The following BNIP3L variants were observed in gnomAD, a reference collection of about 807,000 sequenced individuals.
BNIP3L encodes the protein BCL2 interacting protein 3 like, also known as BCL2/adenovirus E1B 19 kDa protein-interacting protein 3-like.
Under a neutral mutation model 25.5 loss-of-function variants are expected in BNIP3L, and 10 were observed. The observed-to-expected ratio is 0.39, with a 90% CI of 0.24 to 0.67. The LOEUF is 0.67. Ranked by LOEUF, BNIP3L falls within the 30% of genes least tolerant of loss-of-function variation. The pLI is 0.45. For synonymous variants in BNIP3L, 113 were observed against 101.2 expected (o/e 1.12, Z -0.70); for missense variants, 215 against 270.9 (o/e 0.79, Z 1.45).
At position 26,400,168 on chromosome 8, in the gene BNIP3L, C is replaced by T. The variant is rs1200700733; in HGVS notation, c.357+4866C>T. 3.3e-5 allele frequency among the ~76,000 whole-genome samples: 5 copies of T among 151,732 alleles called. No homozygotes were observed. The East Asian group carries it at 5.9e-4, about 18-fold the overall frequency. ...CACACTACCTGACTTCAAACTATAC[C>T]ACAAGGCTACAGTAACCAAAACAGC... On this transcript the variant is annotated intron_variant, in intron 3 of 5. Transcript: ENST00000380629.
At position 26,391,381 on chromosome 8, in the gene BNIP3L, A is replaced by T. The variant is rs1212884893; in HGVS notation, c.239A>T (p.His80Leu). 6 of 1,608,710 alleles carry T rather than the reference A, an allele frequency of 3.7e-6. No homozygotes were observed. The highest frequency in any genetic ancestry group is 5.1e-6 in the Non-Finnish European group (6 of 1,177,786). Residue 80 changes from histidine to leucine, a missense_variant, in exon 2 of 6, where the codon CAT becomes CTT. Transcript: ENST00000380629. ...GAGAAGATTCTTTTGGATGCACAAC[A>T]TGAATCAGGACAGAGTAGTTCCAGA... ...DMEKILLDAQHESGQSSSRGS... is the reference protein window; with the variant it reads ...DMEKILLDAQLESGQSSSRGS...
intron 1 of BNIP3L, among the ~76,000 whole-genome samples, chr8:26,389,808 C>T (rs1806065562): frequency 6.6e-6 from 1 of 152,148 alleles, no homozygotes. Flanking sequence ...TGGAGCTTTC[C>T]TTCTTGTGAG....
intron 3 of BNIP3L, among the ~76,000 whole-genome samples, chr8:26,404,700 G>T (rs1043933791): frequency 5.9e-5 from 9 of 152,124 alleles, no homozygotes; most frequent in Non-Finnish European, 1.2e-4. Context: ...TAGAGACAGG[G>T]TTTCGCCGTG....
At chr8:26,406,505 G>T (rs191384578) in intron 3 of BNIP3L, among the ~76,000 whole-genome samples, 1 of 152,054 alleles carries the variant, frequency 6.6e-6, no homozygotes, top group African/African-American at 2.4e-5. Flanking sequence ...TTTTTATAGG[G>T]TTATTTGTTG....
In BNIP3L at chr8:26,411,225, G is replaced by GT. The variant is rs1563344973; in HGVS notation, c.*816dup. The GT allele has an allele frequency of 1.3e-5, 2 of 152,412 alleles. No individual in the cohort carries two copies. The highest frequency in any genetic ancestry group is 1.3e-4 in the Admixed American group (2 of 15,260). 9.4% of individuals were successfully genotyped at this position (152,412 alleles called of 1,614,324 possible). A position where few individuals can be genotyped will look rare whatever the true frequency, so the allele number is the denominator to read the frequency against. On this transcript the variant is annotated 3_prime_UTR_variant, in exon 6 of 6. Transcript: ENST00000380629. Reference sequence around the variant, plus strand: ...TGCTTTTTGAGATTTTTGCGTGTGTGTTTGATATTTTTTACGATAATTAGC... The same window carrying GT: ...TGCTTTTTGAGATTTTTGCGTGTGTGTTTTGATATTTTTTACGATAATTAGC...
chr8:26,402,188 C>T (rs761170115), intron 3 of BNIP3L, among the ~76,000 whole-genome samples: 12 of 152,108 alleles, frequency 7.9e-5, no homozygotes, highest in Non-Finnish European at 1.6e-4. Flanking sequence ...TCTGAAATGT[C>T]GAAAATCTTT....
chr8:26,403,509 A>G (rs953912262), intron 3 of BNIP3L, among the ~76,000 whole-genome samples: 1 of 147,664 alleles, frequency 6.8e-6, no homozygotes, highest in Non-Finnish European at 1.5e-5. Context: ...CATTAACTAG[A>G]TATGTTCTAG....
chr8:26,403,850 G>A (rs1227578978), intron 3 of BNIP3L, among the ~76,000 whole-genome samples: 1 of 151,926 alleles, frequency 6.6e-6, no homozygotes, highest in African/African-American at 2.4e-5. Flanking sequence ...CTCTTTTAAT[G>A]TTCTCAATCC....
rs373451150 is a variant in BNIP3L, at chr8:26,391,986, A to G, written c.284+560A>G. On this transcript the variant is annotated intron_variant, in intron 2 of 5. Coordinates refer to ENST00000380629, the MANE Select transcript of BNIP3L (RefSeq NM_004331.3). Reference sequence around the variant, plus strand: ...TTGGAAGCACCAACCAAGGTCTGTAAAGATAGTTTTGAAGTCTCCTCTGCT... The same window carrying G: ...TTGGAAGCACCAACCAAGGTCTGTAGAGATAGTTTTGAAGTCTCCTCTGCT... Among the ~76,000 whole-genome samples, 25 of 152,306 alleles carry G rather than the reference A, an allele frequency of 1.6e-4. No individual in the cohort carries two copies. In the East Asian group the frequency reaches 2.5e-3, roughly 15 times the overall value.
rs1342998708 is a variant in BNIP3L, at chr8:26,400,940, A to C, written c.357+5638A>C. On this transcript the variant is annotated intron_variant, in intron 3 of 5. Transcript: ENST00000380629. ...AACAGGTGCTGGAGAGGATGTGGAGAAATAGGAACACTTTTACACTGTTGG... is the reference window on the plus strand; with the variant it reads ...AACAGGTGCTGGAGAGGATGTGGAGCAATAGGAACACTTTTACACTGTTGG... Among the ~76,000 whole-genome samples, 629 of 140,992 alleles carry C rather than the reference A, an allele frequency of 4.5e-3. 2 individuals carry two copies. The highest frequency in any genetic ancestry group is 5.8e-3 in the Non-Finnish European group (375 of 64,336). The allele number at this position is 140,992 out of a possible 152,430, so 92.5% of individuals were successfully genotyped here. A position where few individuals can be genotyped will look rare whatever the true frequency, so the allele number is the denominator to read the frequency against.
chr8:26,404,241 A>G (rs1179662533), intron 3 of BNIP3L, among the ~76,000 whole-genome samples: 1 of 152,232 alleles, frequency 6.6e-6, no homozygotes, highest in African/African-American at 2.4e-5. Flanking sequence ...GAAGCGATAT[A>G]GATTATTTAT....
In BNIP3L at chr8:26,391,410, A is replaced by G; in HGVS notation, c.268A>G (p.Ser90Gly). The change falls in exon 2 of 6, where the codon AGT becomes GGT. Residue 90 changes from serine to glycine, a missense_variant. Ser to Gly is a moderately conservative substitution (Grantham distance 56, BLOSUM62 0). Around this residue, in one of 4 missense-constraint regions of BNIP3L, gnomAD observed 36 missense variants for 75.2 expected, o/e 0.48. Coordinates refer to ENST00000380629, the MANE Select transcript of BNIP3L (RefSeq NM_004331.3). ...ATCAGGACAGAGTAGTTCCAGAGGC[A>G]GTTCTCACTGTGACAGGTAAGTGAG... Reference protein sequence around the residue: ...HESGQSSSRGSSHCDSPSPQE... With the variant: ...HESGQSSSRGGSHCDSPSPQE... 1 of 1,558,822 alleles carries G rather than the reference A, an allele frequency of 6.4e-7. No homozygotes were observed. Among genetic ancestry groups the G allele is most frequent in the Non-Finnish European group, 8.7e-7 (1 of 1,150,600 alleles).
intron 1 of BNIP3L, among the ~76,000 whole-genome samples, chr8:26,388,732 A>G (rs1806043360): frequency 6.6e-6 from 1 of 152,106 alleles, no homozygotes; most frequent in South Asian, 2.1e-4. Flanking sequence ...GCACTTTGGG[A>G]GGCTGAGGTG....
chr8:26,391,172 C>A, intron 1 of BNIP3L, 71 bp from the exon 2 acceptor site: 1 of 1,309,540 alleles, frequency 7.6e-7, no homozygotes, highest in Non-Finnish European at 1.0e-6. Flanking sequence ...CTGGATTCAC[C>A]ATGTTCACAT....
At chr8:26,402,771 A>AG (rs1161139015) in intron 3 of BNIP3L, among the ~76,000 whole-genome samples, 1 of 152,186 alleles carries the variant, frequency 6.6e-6, no homozygotes, top group Non-Finnish European at 1.5e-5. Flanking sequence ...CTCTAAAAAA[A>AG]AGAAAAAAAG....
chr8:26,393,467 G>A (rs1257022670), intron 2 of BNIP3L, among the ~76,000 whole-genome samples: 3 of 150,146 alleles, frequency 2.0e-5, no homozygotes, highest in Admixed American at 6.7e-5. Context: ...CATTTTGGTT[G>A]ACAGGGGCAG....
chr8:26,395,533 A>C, intron 3 of BNIP3L: 1 of 497,972 alleles, frequency 2.0e-6, no homozygotes, highest in Non-Finnish European at 3.5e-6. Flanking sequence ...TCCATAATAA[A>C]TCATGCCAAT....
At chr8:26,388,967 TGAC>T (rs1806049257) in intron 1 of BNIP3L, among the ~76,000 whole-genome samples, 1 of 152,198 alleles carries the variant, frequency 6.6e-6, no homozygotes, top group Non-Finnish European at 1.5e-5. Flanking sequence ...ACAGCCTGGG[TGAC>T]AATGCAAGAC....
intron 5 of BNIP3L, 64 bp downstream of exon 5, chr8:26,408,440 G>T: frequency 6.6e-7 from 1 of 1,520,380 alleles, no homozygotes. Flanking sequence ...TCAGATTGAA[G>T]AAATGTATGT....
Sources: gnomAD v4.1 joint callset for allele counts (sites outside exome capture counted in the v4.1 genomes callset) on GRCh38, gnomAD v4.1.1 for gene constraint, gnomAD v4.1.1 regional missense constraint, MANE v1.5 for transcripts, NCBI Gene and HGNC (gene_info 2026-07-23, HGNC 2026-07-21) for gene names.